DOCK3: variants seen among roughly 807,000 people sequenced by gnomAD.
The protein encoded by DOCK3 is dedicator of cytokinesis 3, also known as dedicator of cytokinesis protein 3.
DOCK3 carries 60 observed loss-of-function variants against 265.6 expected under a neutral mutation model. That is an observed-to-expected ratio of 0.23 (90% CI 0.18 to 0.28). The LOEUF (loss-of-function observed/expected upper bound fraction) is 0.28, where lower values mean the gene tolerates loss of function less well. DOCK3 is among the 10% of genes least tolerant of loss of function. DOCK3 has a pLI of 1.00. For synonymous variants in DOCK3, 881 were observed against 938.0 expected (o/e 0.94, Z 1.11); for missense variants, 1,981 against 2,594.3 (o/e 0.76, Z 5.14).
At chr3:50,854,025 A>G (rs989306126) in intron 3 of DOCK3, among the ~76,000 whole-genome samples, 2 of 151,976 alleles carry the variant, frequency 1.3e-5, no homozygotes, top group African/African-American at 2.4e-5. Flanking sequence ...ATGAGGTGGT[A>G]TCTCTTTGTG....
In DOCK3 at chr3:51,047,802, A is replaced by C. The variant is rs190234889; in HGVS notation, c.316-16646A>C. Among the ~76,000 whole-genome samples the C allele has an allele frequency of 1.6e-3, 248 of 152,324 alleles. 2 individuals are homozygous for C. The highest frequency in any genetic ancestry group is 5.2e-3 in the African/African-American group (215 of 41,582). On this transcript the variant is annotated intron_variant, in intron 5 of 52. Coordinates refer to ENST00000266037, the MANE Select transcript of DOCK3 (RefSeq NM_004947.5). ...GACCAGATGGCTTAACAGCTGAATT[A>C]TACCAGGCATTTAGAGAATTAATCC... is the stretch of plus-strand genomic sequence containing the variant.
intron 27 of DOCK3, among the ~76,000 whole-genome samples, chr3:51,296,880 C>T (rs943138864): frequency 6.6e-6 from 1 of 151,900 alleles, no homozygotes; most frequent in East Asian, 1.9e-4. Flanking sequence ...GCACTTTGGG[C>T]GTCTGAGGCA....
chr3:50,822,774 A>G (rs767608945), intron 2 of DOCK3, among the ~76,000 whole-genome samples: 3 of 152,184 alleles, frequency 2.0e-5, no homozygotes, highest in Non-Finnish European at 4.4e-5. Context: ...GATTATAGGC[A>G]TGGGCCACTG....
intron 9 of DOCK3, among the ~76,000 whole-genome samples, chr3:51,098,999 G>T (rs2082977680): frequency 6.6e-6 from 1 of 152,168 alleles, no homozygotes; most frequent in Non-Finnish European, 1.5e-5. Context: ...GTGCCCTATG[G>T]ATGAGGAGGC....
At position 50,937,276 on chromosome 3, in the gene DOCK3, TAAAAAAA is replaced by T. The variant is rs60209788; in HGVS notation, c.315+3214_315+3220del. 5.4e-5 allele frequency among the ~76,000 whole-genome samples: 6 copies of T among 110,722 alleles called. No homozygotes were observed. The Admixed American group carries it at 5.9e-4, about 11-fold the overall frequency. The allele number at this position is 110,722 out of a possible 152,430, so 72.6% of individuals were successfully genotyped here. A position where few individuals can be genotyped will look rare whatever the true frequency, so the allele number is the denominator to read the frequency against. ...TGGGCGATGAGAGCAAAACTCCATC[TAAAAAAA>T]AAAAAAAAAAAAAATTTATAAAGTG... On this transcript the variant is annotated intron_variant, in intron 5 of 52. Transcript: ENST00000266037.
chr3:51,116,480 T>G (rs913213057), intron 9 of DOCK3, among the ~76,000 whole-genome samples: 2 of 150,544 alleles, frequency 1.3e-5, no homozygotes, highest in Admixed American at 6.6e-5. Context: ...AAAGGGTAGT[T>G]TTTTTCTAAT....
chr3:51,072,861 C>A (rs2081927939), intron 6 of DOCK3, among the ~76,000 whole-genome samples: 1 of 151,596 alleles, frequency 6.6e-6, no homozygotes, highest in African/African-American at 2.4e-5. Context: ...CATGCCATCA[C>A]AACCTGGCTA....
At chr3:50,978,429 G>A (rs188169866) in intron 5 of DOCK3, among the ~76,000 whole-genome samples, 1 of 151,984 alleles carries the variant, frequency 6.6e-6, no homozygotes, top group African/African-American at 2.4e-5. Flanking sequence ...TGCCCCTGCT[G>A]GGGGGGTGCC....
At chr3:50,955,945 G>A (rs2076717456) in intron 5 of DOCK3, among the ~76,000 whole-genome samples, 1 of 152,062 alleles carries the variant, frequency 6.6e-6, no homozygotes, top group Non-Finnish European at 1.5e-5. Flanking sequence ...TACTTTTGTT[G>A]AAATTATCAT....
chr3:51,164,753 C>T (rs1431685831), intron 12 of DOCK3, among the ~76,000 whole-genome samples: 2 of 151,586 alleles, frequency 1.3e-5, no homozygotes, highest in Non-Finnish European at 2.9e-5. Context: ...AAGAAATAAA[C>T]TTCTTTTAAT....
intron 2 of DOCK3, among the ~76,000 whole-genome samples, chr3:50,802,560 A>C (rs2043128305): frequency 6.6e-6 from 1 of 151,876 alleles, no homozygotes; most frequent in South Asian, 2.1e-4. Flanking sequence ...TGCCATTTTT[A>C]ATTTTTATTT....
chr3:50,988,983 A>G (rs2078003549), intron 5 of DOCK3, among the ~76,000 whole-genome samples: 1 of 152,106 alleles, frequency 6.6e-6, no homozygotes, highest in Non-Finnish European at 1.5e-5. Context: ...CCCTCGGACT[A>G]AAAAAGAAGC....
At chr3:51,043,082 G>A (rs1257993775) in intron 5 of DOCK3, among the ~76,000 whole-genome samples, 1 of 152,090 alleles carries the variant, frequency 6.6e-6, no homozygotes, top group Non-Finnish European at 1.5e-5. Flanking sequence ...TACAGAACTA[G>A]AAAAAACTAT....
At chr3:51,330,772 G>A (rs1323155469) in intron 33 of DOCK3, among the ~76,000 whole-genome samples, 2 of 152,182 alleles carry the variant, frequency 1.3e-5, no homozygotes, top group African/African-American at 2.4e-5. Flanking sequence ...GGCTTGAGTT[G>A]ATGGAGGCCA....
chr3:50,948,222 A>G (rs1339987545), intron 5 of DOCK3, among the ~76,000 whole-genome samples: 2 of 149,858 alleles, frequency 1.3e-5, no homozygotes, highest in Non-Finnish European at 3.0e-5. Context: ...GCACCCGGCT[A>G]ATTTTTGTAT....
intron 25 of DOCK3, among the ~76,000 whole-genome samples, chr3:51,277,200 G>A (rs776905510): frequency 2.0e-5 from 3 of 152,236 alleles, no homozygotes; most frequent in Non-Finnish European, 2.9e-5. Context: ...GCCACACCCT[G>A]TAGTGTGAAT....
At chr3:51,365,787 G>A (rs1353599397) in intron 49 of DOCK3, among the ~76,000 whole-genome samples, 7 of 152,140 alleles carry the variant, frequency 4.6e-5, no homozygotes, top group Admixed American at 1.3e-4. Context: ...GATGGATTAC[G>A]TTTATTGATC....
At chr3:50,806,794 C>G (rs990328063) in intron 2 of DOCK3, among the ~76,000 whole-genome samples, 5 of 151,992 alleles carry the variant, frequency 3.3e-5, no homozygotes, top group Non-Finnish European at 5.9e-5. Context: ...AGAGGTGGCT[C>G]TAGTCTCAAG....
chr3:51,083,646 A>G (rs968614797), intron 7 of DOCK3, among the ~76,000 whole-genome samples: 2 of 152,278 alleles, frequency 1.3e-5, no homozygotes, highest in South Asian at 4.1e-4. Context: ...ATGAAAGAAA[A>G]AATACAGTCA....
Sources: gnomAD v4.1 joint callset for allele counts (sites outside exome capture counted in the v4.1 genomes callset) on GRCh38, gnomAD v4.1.1 for gene constraint, MANE v1.5 for transcripts, NCBI Gene and HGNC (gene_info 2026-07-23, HGNC 2026-07-21) for gene names.